UTP4: variants seen among roughly 807,000 people sequenced by gnomAD.
UTP4 encodes the protein U3 small nucleolar RNA-associated protein 4 homolog.
A neutral mutation model predicts 82.4 loss-of-function variants in UTP4; 45 were observed. The ratio of observed to expected loss-of-function variants is 0.55; its 90% CI spans 0.43 to 0.70. The LOEUF (loss-of-function observed/expected upper bound fraction) is 0.70, where lower values mean the gene tolerates loss of function less well. Among genes scored for constraint, UTP4 ranks in the 30% least tolerant of loss-of-function variants. The pLI, the probability that UTP4 is intolerant of heterozygous loss-of-function variation, is 0.00. For synonymous variants in UTP4, 348 were observed against 300.3 expected (o/e 1.16, Z -1.64); for missense variants, 819 against 858.3 (o/e 0.95, Z 0.57).
chr16:69,154,415 A>G lies in UTP4; in HGVS notation c.1122A>G (p.Pro374=), dbSNP rs373128799. 1.4e-5 allele frequency: 23 copies of G among 1,612,918 alleles called. No individual in the cohort carries two copies. The African/African-American group carries it at 2.9e-4, about 21-fold the overall frequency. ...CAGGCAAGAATGGGGATACTCTTCC[A>G]CTCTCTAAAAATGCAGATCATTTAC... The part of the protein sequence containing the change: ...VATGKNGDTL[P]LSKNADHLLH... The change falls in exon 10 of 17, where the codon CCA becomes CCG. Residue 374 remains proline (P), a synonymous_variant. Transcript: ENST00000314423.
chr16:69,150,164 G>A (rs549007280), intron 6 of UTP4, among the ~76,000 whole-genome samples: 4 of 152,130 alleles, frequency 2.6e-5, no homozygotes, highest in South Asian at 4.1e-4. Context: ...TTAAATATTC[G>A]TATTAAATAA....
chr16:69,151,262 CT>C (rs1490651792), intron 8 of UTP4, among the ~76,000 whole-genome samples: 1 of 152,098 alleles, frequency 6.6e-6, no homozygotes, highest in Non-Finnish European at 1.5e-5. Flanking sequence ...CCGCCTCAGC[CT>C]CCCAAAGTGC....
intron 14 of UTP4, among the ~76,000 whole-genome samples, chr16:69,164,090 T>C (rs1159028662): frequency 6.6e-6 from 1 of 151,984 alleles, no homozygotes; most frequent in Non-Finnish European, 1.5e-5. Context: ...TTCACCATGT[T>C]AGCCAGGATG....
chr16:69,137,882 A>G lies in UTP4; in HGVS notation c.433A>G (p.Lys145Glu). The change falls in exon 4 of 17, where the codon AAA becomes GAA. Residue 145 changes from lysine (K) to glutamate (E), a missense_variant. By Grantham distance (56) the Lys-to-Glu change is moderately conservative. Transcript: ENST00000314423. ...IQFERNFDRQ[K>E]SRILSLSWHP... is the part of the protein sequence containing the mutation. ...GTTTGAAAGAAATTTTGATCGGCAG[A>G]AAAGTAAGCGTCATTTTTCATGGGG... is the stretch of plus-strand genomic sequence containing the variant. 5.6e-6 allele frequency: 9 copies of G among 1,600,440 alleles called. No homozygotes were observed. The highest frequency in any genetic ancestry group is 6.9e-6 in the Non-Finnish European group (8 of 1,167,558).
chr16:69,137,665 C>T (rs538221164), intron 3 of UTP4, 136 bp from the exon 4 acceptor site: 13 of 648,932 alleles, frequency 2.0e-5, no homozygotes, highest in South Asian at 1.4e-4. Flanking sequence ...AATGATTTTT[C>T]TTTTTCACGG....
intron 13 of UTP4, among the ~76,000 whole-genome samples, chr16:69,162,300 T>G (rs374062699): frequency 1.3e-5 from 2 of 149,514 alleles, no homozygotes; most frequent in South Asian, 4.6e-4. Flanking sequence ...AAATGAGGAC[T>G]GGTGCGGTGG....
At chr16:69,147,202 T>TAAC (rs1457033016) in intron 6 of UTP4, among the ~76,000 whole-genome samples, 1 of 142,988 alleles carries the variant, frequency 7.0e-6, no homozygotes, top group Non-Finnish European at 1.5e-5. Context: ...ATAATAATAA[T>TAAC]AATAATAATA....
In UTP4 at chr16:69,133,569, A is replaced by G; in HGVS notation, c.110A>G (p.Asp37Gly). Residue 37 changes from aspartate (D) to glycine (G), a missense_variant, in exon 2 of 17, where the codon GAT becomes GGT. Transcript: ENST00000314423. ...AACAGATTGGCTGTTTCACGAACAG[A>G]TGGCACTGTGGAAATTTATAACTTG... ...QSNRLAVSRT[D>G]GTVEIYNLSA... 1 of 1,614,172 alleles carries G rather than the reference A, an allele frequency of 6.2e-7. No individual in the cohort carries two copies. The highest frequency in any genetic ancestry group is 8.5e-7 in the Non-Finnish European group (1 of 1,180,016).
At position 69,163,062 on chromosome 16, in the gene UTP4, G is replaced by A. The variant is rs1415115353; in HGVS notation, c.1552-21G>A. 3.8e-6 allele frequency: 6 copies of A among 1,593,124 alleles called. No homozygotes were observed. In the Admixed American group the frequency reaches 1.0e-4, roughly 27 times the overall value. On this transcript the variant is annotated intron_variant, in intron 13 of 16. Transcript: ENST00000314423. Reference sequence around the variant, plus strand: ...AAAGTGTCACTTAGAGTTGCCACTTGTGTCTGTTATTTGTTCCCAGCTTCA... The same window carrying A: ...AAAGTGTCACTTAGAGTTGCCACTTATGTCTGTTATTTGTTCCCAGCTTCA...
At chr16:69,133,756 T>C in intron 2 of UTP4, 138 bp downstream of exon 2, 1 of 804,786 alleles carries the variant, frequency 1.2e-6, no homozygotes, top group Non-Finnish European at 2.1e-6. Context: ...ACCAAACTTC[T>C]GAGATCTCCT....
chr16:69,162,210 G>T (rs1282533466), intron 13 of UTP4, among the ~76,000 whole-genome samples: 1 of 150,276 alleles, frequency 6.7e-6, no homozygotes, highest in Admixed American at 6.6e-5. Flanking sequence ...CTCGTGATCC[G>T]CCTGCCTTGG....
chr16:69,162,783 G>A (rs1963597215), intron 13 of UTP4, among the ~76,000 whole-genome samples: 1 of 151,574 alleles, frequency 6.6e-6, no homozygotes, highest in African/African-American at 2.4e-5. Flanking sequence ...CAGCTACTTG[G>A]GAGGCTGAGG....
rs1174978478 is a variant in UTP4, at chr16:69,132,690, G to GT, written c.-3+2dup. On this transcript the variant is annotated splice_donor_variant, in intron 1 of 16. Transcript: ENST00000314423. LOFTEE classifies it low-confidence loss of function (5UTR_SPLICE). The stretch of plus-strand genomic sequence containing the variant: ...CGGGAAGGGGAGCGTGGGGCCGCTG[G>GT]TGAGTTGGGGAAGGGGCGTGGGAAG... The GT allele has an allele frequency of 9.1e-6, 3 of 328,998 alleles. No individual in the cohort carries two copies. The highest frequency in any genetic ancestry group is 6.3e-5 in the South Asian group (3 of 47,994). The allele number at this position is 328,998 out of a possible 1,614,324, so 20.4% of individuals were successfully genotyped here.
Position 69,156,463 on chromosome 16 carries a change from C to CT in UTP4, c.1287+484dup, listed in dbSNP as rs895380237. 3.8e-3 allele frequency among the ~76,000 whole-genome samples: 443 copies of CT among 117,476 alleles called. 3 individuals are homozygous for CT. The highest frequency in any genetic ancestry group is 0.03 in the East Asian group (115 of 3,890). The allele number at this position is 117,476 out of a possible 152,430, so 77.1% of individuals were successfully genotyped here. ...ACAGGCGTGAGCCACCGCACCCAGC[C>CT]TTTTTTTTTTTTTTGACCGAGTTTC... On this transcript the variant is annotated intron_variant, in intron 11 of 16. Transcript: ENST00000314423.
At chr16:69,141,179 A>G (rs1962949790) in intron 5 of UTP4, among the ~76,000 whole-genome samples, 1 of 152,006 alleles carries the variant, frequency 6.6e-6, no homozygotes, top group African/African-American at 2.4e-5. Flanking sequence ...ACCCACTCCC[A>G]TCTGGCTTAG....
At chr16:69,166,322 T>G (rs936008357) in intron 15 of UTP4, 2 of 153,474 alleles carry the variant, frequency 1.3e-5, no homozygotes. Flanking sequence ...CGGGGATGTG[T>G]CACTGGAATC....
chr16:69,146,029 A>G (rs1204077677), intron 6 of UTP4, among the ~76,000 whole-genome samples: 1 of 151,212 alleles, frequency 6.6e-6, no homozygotes, highest in Admixed American at 6.6e-5. Flanking sequence ...TCAACCCGGG[A>G]GGCAGAGGTT....
intron 13 of UTP4, among the ~76,000 whole-genome samples, chr16:69,160,967 C>G (rs1963549267): frequency 6.6e-6 from 1 of 152,230 alleles, no homozygotes; most frequent in East Asian, 1.9e-4. Flanking sequence ...AACCCGGAAG[C>G]TATACTGTGT....
At chr16:69,155,425 A>G (rs1192824158) in intron 10 of UTP4, among the ~76,000 whole-genome samples, 1 of 152,174 alleles carries the variant, frequency 6.6e-6, no homozygotes, top group African/African-American at 2.4e-5. Context: ...TCAGCCTCCC[A>G]AAGTGCTGGG....
Sources: gnomAD v4.1 joint callset for allele counts (sites outside exome capture counted in the v4.1 genomes callset) on GRCh38, gnomAD v4.1.1 for gene constraint, MANE v1.5 for transcripts, NCBI Gene and HGNC (gene_info 2026-07-23, HGNC 2026-07-21) for gene names.